ANK3: variants seen among roughly 807,000 people sequenced by gnomAD.
ANK3 encodes ankyrin 3, also known as ankyrin-3.
ANK3 carries 57 observed loss-of-function variants against 370.9 expected under a neutral mutation model. That is an observed-to-expected ratio of 0.15 (90% CI 0.12 to 0.19). The LOEUF (loss-of-function observed/expected upper bound fraction) is 0.19. ANK3 is among the 10% of genes least tolerant of loss of function. The pLI, the probability that ANK3 is intolerant of heterozygous loss-of-function variation, is 1.00. For synonymous variants in ANK3, 1,929 were observed against 1,946.3 expected (o/e 0.99, Z 0.23); for missense variants, 4,439 against 5,302.1 (o/e 0.84, Z 5.06).
intron 23 of ANK3, among the ~76,000 whole-genome samples, chr10:60,149,548 C>G (rs1170702567): frequency 3.3e-5 from 5 of 152,202 alleles, no homozygotes. Flanking sequence ...ATTTCACAGG[C>G]TGCTCTAGCT....
At chr10:60,121,301 A>G (rs1156767483) in intron 25 of ANK3, among the ~76,000 whole-genome samples, 2 of 151,956 alleles carry the variant, frequency 1.3e-5, no homozygotes, top group African/African-American at 2.4e-5. Context: ...CGAAAGTAGA[A>G]AAATTGTTAC....
chr10:60,262,019 A>C, intron 6 of ANK3, 62 bp from the exon 7 acceptor site: 4 of 1,375,120 alleles, frequency 2.9e-6, no homozygotes, highest in Non-Finnish European at 4.1e-6. Context: ...TGACAGGCAA[A>C]TATCATAACC....
intron 7 of ANK3, 64 bp downstream of exon 7, chr10:60,261,795 G>T: frequency 7.0e-7 from 1 of 1,436,418 alleles, no homozygotes; most frequent in Non-Finnish European, 9.7e-7. Context: ...TCCTCATGTT[G>T]GGGAAAGAGA....
intron 1 of ANK3, among the ~76,000 whole-genome samples, chr10:60,642,949 A>C (rs1476167406): frequency 6.6e-6 from 1 of 152,194 alleles, no homozygotes; most frequent in East Asian, 1.9e-4. Flanking sequence ...ACATACACAC[A>C]CATACAAAAA....
chr10:60,694,060 T>C (rs2079402921), intron 1 of ANK3, among the ~76,000 whole-genome samples: 1 of 151,918 alleles, frequency 6.6e-6, no homozygotes, highest in South Asian at 2.1e-4. Flanking sequence ...TTAAAGGAGC[T>C]GATGGAGCTG....
chr10:60,238,887 GTGTTCTATC>G (rs1234016782), intron 7 of ANK3, among the ~76,000 whole-genome samples: 6 of 152,088 alleles, frequency 3.9e-5, no homozygotes, highest in African/African-American at 1.4e-4. Flanking sequence ...ACAATATCCA[GTGTTCTATC>G]TAGTAGGAAC....
intron 42 of ANK3, among the ~76,000 whole-genome samples, chr10:60,050,889 G>C (rs1028043333): frequency 2.0e-5 from 3 of 150,720 alleles, no homozygotes; most frequent in African/African-American, 7.3e-5. Context: ...TGTTAGTAAA[G>C]TTAAACAAAC....
At chr10:60,504,903 A>T (rs1385201412) in intron 2 of ANK3, among the ~76,000 whole-genome samples, 1 of 152,140 alleles carries the variant, frequency 6.6e-6, no homozygotes, top group Admixed American at 6.5e-5. Context: ...CTAGCTACAG[A>T]GGGCATATGT....
chr10:60,278,465 C>T (rs2098120037), intron 4 of ANK3, among the ~76,000 whole-genome samples: 1 of 152,218 alleles, frequency 6.6e-6, no homozygotes, highest in Admixed American at 6.5e-5. Context: ...ACCTCCACCT[C>T]CTGGGAACAA....
chr10:60,075,909 A>G lies in ANK3; in HGVS notation c.4972T>C (p.Leu1658=), dbSNP rs748805776. 43 of 1,614,024 alleles carry G rather than the reference A, an allele frequency of 2.7e-5. No homozygotes were observed. The highest frequency in any genetic ancestry group is 3.5e-5 in the Non-Finnish European group (41 of 1,180,018). ...KSNINMYSSS[L]PFKSIITSAA... ...GATGTAATAATTGACTTAAATGGCAAACTTGAGGAATACATATTAATGTTT... is the reference window on the plus strand; with the variant it reads ...GATGTAATAATTGACTTAAATGGCAGACTTGAGGAATACATATTAATGTTT... Residue 1658 remains leucine, a synonymous_variant, in exon 37 of 44, where the codon TTG becomes CTG. Coordinates refer to ENST00000280772, the MANE Select transcript of ANK3 (RefSeq NM_020987.5).
chr10:60,042,818 G>C, intron 42 of ANK3, 59 bp from the exon 43 acceptor site: 1 of 1,456,086 alleles, frequency 6.9e-7, no homozygotes, highest in Non-Finnish European at 9.0e-7. Context: ...TTATAAAGCA[G>C]TCCATTCTGA....
intron 2 of ANK3, among the ~76,000 whole-genome samples, chr10:60,499,159 G>A (rs2075733397): frequency 6.6e-6 from 1 of 152,132 alleles, no homozygotes; most frequent in African/African-American, 2.4e-5. Flanking sequence ...GCCTCAATAT[G>A]TCCATAAAAC....
chr10:60,480,020 G>A (rs2075171433), intron 2 of ANK3, among the ~76,000 whole-genome samples: 1 of 152,146 alleles, frequency 6.6e-6, no homozygotes, highest in African/African-American at 2.4e-5. Flanking sequence ...AAGCTGGCGG[G>A]CACTGCCTTG....
At chr10:60,588,160 T>TTTATTATTATTATTATTA (rs147944306) in intron 2 of ANK3, among the ~76,000 whole-genome samples, 98 of 141,110 alleles carry the variant, frequency 6.9e-4, no homozygotes, top group African/African-American at 2.1e-3. Flanking sequence ...TTTCTCAGTT[T>TTTATTATTATTATTATTA]TTATTATTAT....
intron 1 of ANK3, among the ~76,000 whole-genome samples, chr10:60,288,184 C>T (rs1478351809): frequency 6.6e-6 from 1 of 152,142 alleles, no homozygotes; most frequent in African/African-American, 2.4e-5. Context: ...ACCCTCCTCA[C>T]TTTCCCTCCC....
intron 16 of ANK3, among the ~76,000 whole-genome samples, chr10:60,191,470 T>C (rs969854876): frequency 4.6e-5 from 7 of 151,678 alleles, no homozygotes; most frequent in African/African-American, 1.2e-4. Flanking sequence ...AAGAAGCATA[T>C]GAAAAAATGA....
In ANK3 at chr10:60,492,801, G is replaced by A. The variant is rs367996669; in HGVS notation, c.96+122385C>T. On this transcript the variant is annotated intron_variant, in intron 2 of 43. Transcript: ENST00000373827. ...TAATAAGAAAAGCTAACTGAGCCGG[G>A]CGTGGTGGCTCACACCTGTAATCCC... Among the ~76,000 whole-genome samples the A allele has an allele frequency of 3.3e-4, 50 of 151,482 alleles. 2 individuals are homozygous for A. In the East Asian group the frequency reaches 3.7e-3, roughly 11 times the overall value.
intron 8 of ANK3, among the ~76,000 whole-genome samples, chr10:60,225,132 C>G (rs1000121175): frequency 2.0e-5 from 3 of 151,976 alleles, no homozygotes; most frequent in African/African-American, 4.8e-5. Context: ...AGGCTGGTCT[C>G]AAACTCCTGG....
chr10:60,450,662 C>T (rs534104900), intron 2 of ANK3, among the ~76,000 whole-genome samples: 2 of 151,836 alleles, frequency 1.3e-5, no homozygotes, highest in South Asian at 2.1e-4. Context: ...GTATAAGATG[C>T]CTTAGAGGAT....
Sources: gnomAD v4.1 joint callset for allele counts (sites outside exome capture counted in the v4.1 genomes callset) on GRCh38, gnomAD v4.1.1 for gene constraint, MANE v1.5 for transcripts, NCBI Gene and HGNC (gene_info 2026-07-23, HGNC 2026-07-21) for gene names.